Variants in DAB1 observed in about 807,000 individuals in gnomAD.
DAB1 encodes the protein DAB adaptor protein 1.
A neutral mutation model predicts 64.6 loss-of-function variants in DAB1; 15 were observed. The ratio of observed to expected loss-of-function variants is 0.23; its 90% CI spans 0.16 to 0.36. The LOEUF (loss-of-function observed/expected upper bound fraction) is 0.36, where lower values mean the gene tolerates loss of function less well. DAB1 is among the 10% of genes least tolerant of loss of function. The pLI is 1.00. For synonymous variants in DAB1, 235 were observed against 251.9 expected (o/e 0.93, Z 0.64); for missense variants, 596 against 706.7 (o/e 0.84, Z 1.78).
chr1:58,198,288 A>T (rs2100254635), intron 4 of DAB1, among the ~76,000 whole-genome samples: 1 of 152,360 alleles, frequency 6.6e-6, no homozygotes, highest in East Asian at 1.9e-4. Flanking sequence ...CCCTGGAAAT[A>T]GTCAATGGAA....
intron 4 of DAB1, among the ~76,000 whole-genome samples, chr1:57,111,670 T>A (rs1263538442): frequency 1.3e-5 from 2 of 152,180 alleles, no homozygotes; most frequent in African/African-American, 4.8e-5. Context: ...TTACCCCGAA[T>A]TTTTAAAAAC....
intron 5 of DAB1, among the ~76,000 whole-genome samples, chr1:58,129,237 A>G (rs1653351764): frequency 6.6e-6 from 1 of 151,392 alleles, no homozygotes; most frequent in Admixed American, 6.6e-5. Context: ...TTTCTAGTTT[A>G]TTTGCGTAGA....
At chr1:57,306,166 G>C (rs917611220) in intron 1 of DAB1, among the ~76,000 whole-genome samples, 4 of 151,984 alleles carry the variant, frequency 2.6e-5, no homozygotes, top group African/African-American at 4.8e-5. Context: ...CAAGTCCCGG[G>C]TCCCACTCCT....
At chr1:57,179,926 G>T (rs1376108014) in intron 2 of DAB1, among the ~76,000 whole-genome samples, 1 of 152,116 alleles carries the variant, frequency 6.6e-6, no homozygotes, top group Non-Finnish European at 1.5e-5. Context: ...ACTAGTTCTG[G>T]TGTTTGGAAT....
intron 3 of DAB1, among the ~76,000 whole-genome samples, chr1:58,359,621 T>C (rs1388285502): frequency 6.6e-6 from 1 of 151,550 alleles, no homozygotes; most frequent in Non-Finnish European, 1.5e-5. Context: ...CTCTGCATGC[T>C]TCAGTAATCA....
intron 5 of DAB1, among the ~76,000 whole-genome samples, chr1:57,968,731 T>C (rs1645728364): frequency 6.6e-6 from 1 of 152,146 alleles, no homozygotes. Flanking sequence ...CAAATACCTA[T>C]TACATGCAGA....
chr1:58,075,722 C>A (rs1270316829), intron 5 of DAB1, among the ~76,000 whole-genome samples: 1 of 152,148 alleles, frequency 6.6e-6, no homozygotes, highest in East Asian at 1.9e-4. Flanking sequence ...TGTACTAGAA[C>A]CAAGGTCTAG....
intron 1 of DAB1, among the ~76,000 whole-genome samples, chr1:57,869,156 T>C (rs897157267): frequency 2.0e-5 from 3 of 152,134 alleles, no homozygotes; most frequent in African/African-American, 7.2e-5. Flanking sequence ...CCAGTAAAAC[T>C]AAGGAAAAGT....
intron 6 of DAB1, among the ~76,000 whole-genome samples, chr1:57,740,287 A>G (rs1647924259): frequency 6.6e-6 from 1 of 152,200 alleles, no homozygotes; most frequent in South Asian, 2.1e-4. Context: ...GAATGCCCAC[A>G]TAACACTTTT....
At chr1:57,630,960 T>C (rs533158823) in intron 7 of DAB1, among the ~76,000 whole-genome samples, 12 of 152,160 alleles carry the variant, frequency 7.9e-5, no homozygotes, top group Admixed American at 7.2e-4. Flanking sequence ...AAAGCTCCTG[T>C]TGAAAGAATA....
At chr1:58,275,366 G>A (rs1361996167) in intron 4 of DAB1, among the ~76,000 whole-genome samples, 1 of 152,028 alleles carries the variant, frequency 6.6e-6, no homozygotes, top group African/African-American at 2.4e-5. Context: ...TTGCACAAAA[G>A]GACAAAATCA....
At chr1:57,794,125 T>C (rs1223721755) in intron 6 of DAB1, among the ~76,000 whole-genome samples, 2 of 152,208 alleles carry the variant, frequency 1.3e-5, no homozygotes, top group Non-Finnish European at 2.9e-5. Flanking sequence ...AATGCAAGAT[T>C]GGTTCCCTTG....
intron 4 of DAB1, among the ~76,000 whole-genome samples, chr1:58,235,196 CT>C (rs1659962536): frequency 6.6e-6 from 1 of 152,212 alleles, no homozygotes; most frequent in South Asian, 2.1e-4. Flanking sequence ...AAATGCTTAT[CT>C]CCTTTAATGC....
intron 2 of DAB1, among the ~76,000 whole-genome samples, chr1:57,190,396 C>A (rs1664022031): frequency 6.6e-6 from 1 of 152,086 alleles, no homozygotes; most frequent in Non-Finnish European, 1.5e-5. Context: ...GCTTTATAAA[C>A]CCTATTCTGT....
chr1:58,028,512 A>G (rs192963084), intron 5 of DAB1, among the ~76,000 whole-genome samples: 1 of 152,196 alleles, frequency 6.6e-6, no homozygotes, highest in South Asian at 2.1e-4. Flanking sequence ...CATGTTAAAC[A>G]GTGAAATTAC....
intron 2 of DAB1, among the ~76,000 whole-genome samples, chr1:57,252,377 T>G (rs563786603): frequency 1.3e-5 from 2 of 152,176 alleles, no homozygotes; most frequent in South Asian, 4.1e-4. Flanking sequence ...CTGAGTCTAT[T>G]TGATTCCATT....
intron 14 of DAB1, among the ~76,000 whole-genome samples, chr1:57,009,413 ATGTGGCAACCT>A (rs1394358751): frequency 6.6e-6 from 1 of 152,234 alleles, no homozygotes; most frequent in African/African-American, 2.4e-5. Flanking sequence ...CTGATACAAA[ATGTGGCAACCT>A]ACACAGTGTG....
At chr1:57,988,177 G>A (rs910562092) in intron 5 of DAB1, among the ~76,000 whole-genome samples, 2 of 152,236 alleles carry the variant, frequency 1.3e-5, no homozygotes, top group East Asian at 1.9e-4. Context: ...TGCAAGCAGC[G>A]TAGTGAGAAA....
chr1:58,336,544 A>G (rs1040754316), intron 4 of DAB1, among the ~76,000 whole-genome samples: 2 of 152,248 alleles, frequency 1.3e-5, no homozygotes, highest in African/African-American at 4.8e-5. Flanking sequence ...CCATTTTGCA[A>G]TGAGAAAATC....
Sources: allele counts gnomAD v4.1 joint callset (sites outside exome capture counted in the v4.1 genomes callset), GRCh38; gene constraint gnomAD v4.1.1; transcripts MANE v1.5; gene names NCBI Gene and HGNC (gene_info 2026-07-23, HGNC 2026-07-21).